The following SYT13 variants were observed in gnomAD, a reference collection of about 807,000 sequenced individuals.
The protein encoded by SYT13 is synaptotagmin-13.
A neutral mutation model predicts 38.6 loss-of-function variants in SYT13; 21 were observed. The observed-to-expected ratio is 0.54, with a 90% CI of 0.39 to 0.78. The LOEUF (loss-of-function observed/expected upper bound fraction) is 0.78, where lower values mean the gene tolerates loss of function less well. Ranked by LOEUF, SYT13 falls within the 30% of genes least tolerant of loss-of-function variation. SYT13 has a pLI of 0.00. For synonymous variants in SYT13, 241 were observed against 237.6 expected (o/e 1.01, Z -0.13); for missense variants, 495 against 548.7 (o/e 0.90, Z 0.98).
At chr11:45,254,556 G>C in intron 2 of SYT13, 152 bp from the exon 3 acceptor site, 1 of 1,104,870 alleles carries the variant, frequency 9.1e-7, no homozygotes, top group South Asian at 1.8e-5. Context: ...AAGACAACAG[G>C]TGGGGTCAAT....
chr11:45,278,394 G>A (rs192235697), intron 1 of SYT13, among the ~76,000 whole-genome samples: 42 of 152,218 alleles, frequency 2.8e-4, no homozygotes, highest in African/African-American at 9.9e-4. Flanking sequence ...TTTGATCCTG[G>A]AATGGTTGTG....
At chr11:45,253,549 A>T (rs1320246952) in intron 3 of SYT13, among the ~76,000 whole-genome samples, 5 of 152,244 alleles carry the variant, frequency 3.3e-5, no homozygotes, top group African/African-American at 7.2e-5. Flanking sequence ...ATTCCAATTT[A>T]TCTGACCCCA....
chr11:45,262,279 A>C (rs1854826384), intron 1 of SYT13, among the ~76,000 whole-genome samples: 1 of 152,228 alleles, frequency 6.6e-6, no homozygotes, highest in South Asian at 2.1e-4. Flanking sequence ...AAAATCATAG[A>C]GACAGAAAGT....
chr11:45,253,235 C>G (rs1469012814), intron 3 of SYT13, among the ~76,000 whole-genome samples: 26 of 152,098 alleles, frequency 1.7e-4, no homozygotes, highest in Non-Finnish European at 1.5e-5. Context: ...CTGACTGGCT[C>G]TTCAGGGATC....
intron 1 of SYT13, among the ~76,000 whole-genome samples, chr11:45,268,768 G>A (rs751405628): frequency 7.9e-5 from 12 of 152,156 alleles, no homozygotes; most frequent in Non-Finnish European, 1.8e-4. Context: ...CAGGTCTTGA[G>A]TAGATATAAG....
intron 1 of SYT13, among the ~76,000 whole-genome samples, chr11:45,283,306 A>G (rs1193735857): frequency 6.6e-6 from 1 of 152,196 alleles, no homozygotes; most frequent in Non-Finnish European, 1.5e-5. Context: ...AGTTACAGAG[A>G]CACTGGCTAT....
At position 45,286,313 on chromosome 11, in the gene SYT13, C is replaced by G; in HGVS notation, c.-106G>C. The stretch of plus-strand genomic sequence containing the variant: ...GATCCGGGCGAGCCAGCAGCTCTCC[C>G]GCCGCCAGAGGGGCGGGGACGGAGG... On this transcript the variant is annotated 5_prime_UTR_variant, in exon 1 of 6. Coordinates refer to ENST00000020926, the MANE Select transcript of SYT13 (RefSeq NM_020826.3). 7.5e-7 allele frequency: 1 copy of G among 1,332,742 alleles called. No individual in the cohort carries two copies. The highest frequency in any genetic ancestry group is 9.9e-7 in the Non-Finnish European group (1 of 1,014,094). The allele number at this position is 1,332,742 out of a possible 1,614,324, so 82.6% of individuals were successfully genotyped here.
rs1249658977 is a variant in SYT13 at position 45,244,043 on chromosome 11, G to C, written c.*9C>G. ...GGCTGTCCAAGAAGGGAGGCAGCTG[G>C]GCAGCTGGTTACAGGTGCAGCTGGT... On this transcript the variant is annotated 3_prime_UTR_variant, in exon 6 of 6. Transcript: ENST00000020926. 6.3e-7 allele frequency: 1 copy of C among 1,585,968 alleles called. No homozygotes were observed. The highest frequency in any genetic ancestry group is 1.7e-5 in the Admixed American group (1 of 59,438).
rs1384342145 is a variant in SYT13, at chr11:45,243,144, A to C, written c.*908T>G. ...CAGCCAATGACTCACAGGAGATCCC[A>C]CCTGTACTTTGTTAGGGATGGTCTC... On this transcript the variant is annotated 3_prime_UTR_variant, in exon 6 of 6. Transcript: ENST00000020926. 6.6e-6 allele frequency: 1 copy of C among 152,168 alleles called. No homozygotes were observed. Among genetic ancestry groups the C allele is most frequent in the Non-Finnish European group, 1.5e-5 (1 of 68,034 alleles). 9.4% of individuals were successfully genotyped at this position (152,168 alleles called of 1,614,324 possible). A position where few individuals can be genotyped will look rare whatever the true frequency, so the allele number is the denominator to read the frequency against.
At position 45,254,278 on chromosome 11, in the gene SYT13, C is replaced by A; in HGVS notation, c.536G>T (p.Arg179Leu). The A allele has an allele frequency of 1.2e-6, 2 of 1,610,754 alleles. No individual in the cohort carries two copies. The highest frequency in any genetic ancestry group is 8.5e-7 in the Non-Finnish European group (1 of 1,178,628). ...TCAAATAAGAGCCATACCTTCCAGG[C>A]GAGTCACAAACAATTCTGCCTTCTG... is the stretch of plus-strand genomic sequence containing the variant. ...DCQKAELFVT[R>L]LEAVTSNHDG... The change falls in exon 3 of 6, where the codon CGC becomes CTC. Residue 179 changes from arginine (R) to leucine (L), a missense_variant. Transcript: ENST00000020926.
intron 1 of SYT13, among the ~76,000 whole-genome samples, chr11:45,263,705 C>T (rs76393313): frequency 2.4e-4 from 37 of 152,240 alleles, no homozygotes; most frequent in Admixed American, 9.2e-4. Flanking sequence ...CTAATACTGG[C>T]GATTATGCAC....
intron 4 of SYT13, among the ~76,000 whole-genome samples, chr11:45,251,705 T>C (rs886578103): frequency 2.4e-4 from 36 of 152,194 alleles, no homozygotes; most frequent in African/African-American, 8.2e-4. Flanking sequence ...AAACAATGAT[T>C]TTCTCCCCAA....
At chr11:45,276,021 A>G (rs1368351589) in intron 1 of SYT13, among the ~76,000 whole-genome samples, 1 of 152,198 alleles carries the variant, frequency 6.6e-6, no homozygotes, top group African/African-American at 2.4e-5. Flanking sequence ...ACTCATTTTA[A>G]TAGTTGCTCA....
intron 1 of SYT13, among the ~76,000 whole-genome samples, chr11:45,277,120 G>A (rs1286183781): frequency 6.6e-6 from 1 of 152,162 alleles, no homozygotes; most frequent in African/African-American, 2.4e-5. Context: ...TTGAAAACAT[G>A]ATGCTAAGTG....
At chr11:45,280,153 A>G (rs914357218) in intron 1 of SYT13, among the ~76,000 whole-genome samples, 15 of 152,210 alleles carry the variant, frequency 9.9e-5, no homozygotes, top group African/African-American at 3.6e-4. Context: ...GCATCTGTCC[A>G]TCCTCACTCT....
chr11:45,285,509 C>G (rs1378921868), intron 1 of SYT13, among the ~76,000 whole-genome samples: 1 of 152,118 alleles, frequency 6.6e-6, no homozygotes, highest in Non-Finnish European at 1.5e-5. Context: ...GGCCACCTCC[C>G]CTCTGGCTTT....
intron 4 of SYT13, among the ~76,000 whole-genome samples, chr11:45,247,547 G>A (rs904623068): frequency 2.6e-5 from 4 of 152,122 alleles, no homozygotes; most frequent in Middle Eastern, 3.2e-3. Flanking sequence ...GTGCAATGAG[G>A]GTAATTCAAT....
intron 1 of SYT13, among the ~76,000 whole-genome samples, chr11:45,259,078 C>T (rs1435852691): frequency 6.6e-6 from 1 of 152,110 alleles, no homozygotes; most frequent in East Asian, 1.9e-4. Context: ...ACACCACCCC[C>T]TTGCCCCCTG....
chr11:45,251,338 G>A (rs1337508626), intron 4 of SYT13, among the ~76,000 whole-genome samples: 1 of 137,144 alleles, frequency 7.3e-6, no homozygotes, highest in South Asian at 2.3e-4. Context: ...GCAGTGAGCC[G>A]AGATCGCGCC....
Sources: allele counts gnomAD v4.1 joint callset (sites outside exome capture counted in the v4.1 genomes callset), GRCh38; gene constraint gnomAD v4.1.1; transcripts MANE v1.5; gene names NCBI Gene and HGNC (gene_info 2026-07-23, HGNC 2026-07-21).